PRKDC: variants seen among roughly 807,000 people sequenced by gnomAD.
The protein encoded by PRKDC is protein kinase, DNA-activated, catalytic subunit.
Under a neutral mutation model 486.9 loss-of-function variants are expected in PRKDC, and 82 were observed. The observed-to-expected ratio is 0.17, with a 90% CI of 0.14 to 0.20. PRKDC has a LOEUF of 0.20. Ranked by LOEUF, PRKDC falls within the 10% of genes least tolerant of loss-of-function variation. The pLI is 1.00. For synonymous variants in PRKDC, 1,895 were observed against 1,837.0 expected (o/e 1.03, Z -0.81); for missense variants, 4,504 against 5,038.2 (o/e 0.89, Z 3.21).
At chr8:47,791,451 G>A (rs1047380442) in intron 74 of PRKDC, among the ~76,000 whole-genome samples, 1 of 151,882 alleles carries the variant, frequency 6.6e-6, no homozygotes, top group Non-Finnish European at 1.5e-5. Context: ...CTCTACCCTG[G>A]GCAACAGAGC....
chr8:47,930,881 A>G, intron 16 of PRKDC, 94 bp from the exon 17 acceptor site: 2 of 1,211,460 alleles, frequency 1.7e-6, no homozygotes, highest in South Asian at 1.5e-5. Context: ...TCAAGGCCTG[A>G]TGCTACGAAG....
At chr8:47,825,855 A>G (rs1360582509) in intron 63 of PRKDC, among the ~76,000 whole-genome samples, 3 of 152,118 alleles carry the variant, frequency 2.0e-5, no homozygotes, top group African/African-American at 7.2e-5. Flanking sequence ...CTCCTACTTC[A>G]ATTATGATTT....
Position 47,877,703 on chromosome 8 carries a change from T to A in PRKDC, c.5363+21A>T, listed in dbSNP as rs369979721. ...ACTGAAATGCGTATGGTTCCTGAGA[T>A]CCCAGGCCAGAATGACTTACCTTCT... On this transcript the variant is annotated intron_variant, in intron 40 of 85. Transcript: ENST00000314191. The A allele has an allele frequency of 9.0e-6, 14 of 1,562,464 alleles. No individual in the cohort carries two copies. The African/African-American group carries it at 1.4e-4, about 15-fold the overall frequency.
At chr8:47,915,140 T>C (rs1393688155) in intron 23 of PRKDC, among the ~76,000 whole-genome samples, 188 bp downstream of exon 23, 1 of 152,348 alleles carries the variant, frequency 6.6e-6, no homozygotes, top group African/African-American at 2.4e-5. Flanking sequence ...GTTCTACCAG[T>C]ATACTGAATT....
intron 54 of PRKDC, among the ~76,000 whole-genome samples, chr8:47,841,467 T>A (rs1487579084): frequency 6.6e-6 from 1 of 152,142 alleles, no homozygotes; most frequent in Non-Finnish European, 1.5e-5. Context: ...ACACACAGCA[T>A]AGCCTCCATT....
At chr8:47,908,831 T>A (rs1415142475) in intron 25 of PRKDC, among the ~76,000 whole-genome samples, 1 of 152,240 alleles carries the variant, frequency 6.6e-6, no homozygotes, top group Non-Finnish European at 1.5e-5. Flanking sequence ...ATTACATTTT[T>A]CTGTAATTTA....
intron 54 of PRKDC, among the ~76,000 whole-genome samples, chr8:47,845,306 T>C (rs572978832): frequency 2.2e-4 from 34 of 151,144 alleles, no homozygotes; most frequent in Non-Finnish European, 4.4e-4. Flanking sequence ...TTGAATGAAA[T>C]TGTGATCCAA....
chr8:47,924,291 G>A (rs2090120982), intron 21 of PRKDC, among the ~76,000 whole-genome samples: 1 of 152,144 alleles, frequency 6.6e-6, no homozygotes, highest in African/African-American at 2.4e-5. Context: ...GGGCATGGTA[G>A]CTCATGCCTG....
chr8:47,924,124 T>G (rs1048336564), intron 21 of PRKDC, among the ~76,000 whole-genome samples: 4 of 152,236 alleles, frequency 2.6e-5, no homozygotes, highest in Non-Finnish European at 5.9e-5. Flanking sequence ...TCATCACTAC[T>G]TTTGCCTGTG....
At chr8:47,813,944 C>T (rs1311839344) in intron 68 of PRKDC, among the ~76,000 whole-genome samples, 1 of 152,096 alleles carries the variant, frequency 6.6e-6, no homozygotes, top group Non-Finnish European at 1.5e-5. Flanking sequence ...ACCCTAATAC[C>T]AAAACCTGAT....
At chr8:47,942,484 C>G (rs1232794799) in intron 10 of PRKDC, among the ~76,000 whole-genome samples, 1 of 152,198 alleles carries the variant, frequency 6.6e-6, no homozygotes, top group Non-Finnish European at 1.5e-5. Flanking sequence ...CCACACATCC[C>G]GGCTGTGACT....
intron 84 of PRKDC, among the ~76,000 whole-genome samples, chr8:47,777,361 ACCACGC>A (rs1466383574): frequency 6.6e-6 from 1 of 152,020 alleles, no homozygotes; most frequent in African/African-American, 2.4e-5. Flanking sequence ...GGTGTGCGTT[ACCACGC>A]CCAGCTAATT....
chr8:47,866,441 G>A (rs1312500917), intron 40 of PRKDC, among the ~76,000 whole-genome samples: 3 of 152,104 alleles, frequency 2.0e-5, no homozygotes. Context: ...CTTTCCACTA[G>A]CAAGCACAGT....
At chr8:47,951,206 A>C (rs757251109) in intron 7 of PRKDC, among the ~76,000 whole-genome samples, 3 of 151,682 alleles carry the variant, frequency 2.0e-5, no homozygotes, top group East Asian at 3.9e-4. Flanking sequence ...CAAAAAGTAC[A>C]AAAATTACCC....
Position 47,803,287 on chromosome 8 carries a change from A to G in PRKDC, c.9922+19T>C. On this transcript the variant is annotated intron_variant, in intron 70 of 85. Coordinates refer to ENST00000314191, the MANE Select transcript of PRKDC (RefSeq NM_006904.7). The stretch of plus-strand genomic sequence containing the variant: ...ACACAGCCCTTTAAGATATAAGTGG[A>G]TAAAAGCGGTCAACTTACCCAACAA... The G allele has an allele frequency of 1.3e-6, 2 of 1,595,268 alleles. No individual in the cohort carries two copies. The highest frequency in any genetic ancestry group is 8.5e-7 in the Non-Finnish European group (1 of 1,171,148).
At chr8:47,836,883 G>A (rs1278323302) in intron 57 of PRKDC, among the ~76,000 whole-genome samples, 3 of 152,230 alleles carry the variant, frequency 2.0e-5, no homozygotes, top group African/African-American at 7.2e-5. Flanking sequence ...GGACAGGAGG[G>A]GCCCTACCCC....
At chr8:47,856,512 GA>G (rs1189038913) in intron 49 of PRKDC, among the ~76,000 whole-genome samples, 17 of 152,130 alleles carry the variant, frequency 1.1e-4, no homozygotes. Flanking sequence ...TTACAGGTGT[GA>G]GCCATCATGC....
chr8:47,776,799 G>T, intron 85 of PRKDC, 45 bp downstream of exon 85: 2 of 1,606,792 alleles, frequency 1.2e-6, no homozygotes, highest in East Asian at 2.2e-5. Flanking sequence ...AGAAACAGTA[G>T]CATGTCGGTA....
chr8:47,800,518 T>G (rs1223953569), intron 71 of PRKDC, among the ~76,000 whole-genome samples: 2 of 151,782 alleles, frequency 1.3e-5, no homozygotes, highest in African/African-American at 4.8e-5. Context: ...AAATGATGAG[T>G]TAATGGGTGC....
Sources: allele counts gnomAD v4.1 joint callset (sites outside exome capture counted in the v4.1 genomes callset), GRCh38; gene constraint gnomAD v4.1.1; transcripts MANE v1.5; gene names NCBI Gene and HGNC (gene_info 2026-07-23, HGNC 2026-07-21).